MCTP2: variants seen among roughly 807,000 people sequenced by gnomAD.
MCTP2 encodes multiple C2 and transmembrane domain containing 2.
In MCTP2, 132 loss-of-function variants were observed where a neutral mutation model predicts 111.6. The ratio of observed to expected loss-of-function variants is 1.18; its 90% CI spans 1.03 to 1.37. MCTP2 has a LOEUF of 1.37. Ranked by LOEUF, MCTP2 falls within the 40% of genes most tolerant of loss-of-function variation. The pLI, the probability that MCTP2 is intolerant of heterozygous loss-of-function variation, is 0.00. For missense variants in MCTP2, 1,183 were observed against 1,067.9 expected (o/e 1.11, Z -1.50); for synonymous variants, 395 against 387.7 (o/e 1.02, Z -0.22).
At chr15:94,287,103 A>C (rs2074794589) in intron 1 of MCTP2, among the ~76,000 whole-genome samples, 2 of 152,232 alleles carry the variant, frequency 1.3e-5, no homozygotes, top group Admixed American at 6.5e-5. Flanking sequence ...AATTTGTCTC[A>C]GCAGCCTTTC....
intron 17 of MCTP2, among the ~76,000 whole-genome samples, chr15:94,429,375 C>G (rs991288160): frequency 6.6e-6 from 1 of 152,078 alleles, no homozygotes; most frequent in African/African-American, 2.4e-5. Flanking sequence ...TGTAATAAAC[C>G]CTTTCAAAGA....
rs1353287749 is a variant in MCTP2 at position 94,318,401 on chromosome 15, A to AGCCT, written c.637+2765_637+2768dup. Among the ~76,000 whole-genome samples the AGCCT allele has an allele frequency of 9.2e-5, 14 of 151,384 alleles. No homozygotes were observed. In the Admixed American group the frequency reaches 9.3e-4, roughly 10 times the overall value. The stretch of plus-strand genomic sequence containing the variant: ...TGGGTTCAAGCGATTCTCCTGCCTC[A>AGCCT]GCCTCCCAAATAGCTGGGATTACAG... On this transcript the variant is annotated intron_variant, in intron 4 of 22. Coordinates refer to ENST00000357742, the MANE Select transcript of MCTP2 (RefSeq NM_001385001.1).
chr15:94,445,527 G>C (rs922710116), intron 19 of MCTP2, among the ~76,000 whole-genome samples: 1 of 151,984 alleles, frequency 6.6e-6, no homozygotes, highest in Non-Finnish European at 1.5e-5. Context: ...TAAACTAAAG[G>C]GATCTTCAAC....
intron 11 of MCTP2, among the ~76,000 whole-genome samples, chr15:94,369,271 G>A (rs894548152): frequency 2.0e-5 from 3 of 152,096 alleles, no homozygotes; most frequent in Admixed American, 1.3e-4. Context: ...ATAGCCTTTC[G>A]TAAATCCTTG....
At chr15:94,336,832 G>A (rs2077388254) in intron 4 of MCTP2, among the ~76,000 whole-genome samples, 1 of 151,998 alleles carries the variant, frequency 6.6e-6, no homozygotes, top group Admixed American at 6.6e-5. Flanking sequence ...TGCTTAACAT[G>A]TTGATAGTCT....
intron 1 of MCTP2, chr15:94,273,872 A>G (rs2074045098): frequency 4.3e-6 from 1 of 231,520 alleles, no homozygotes; most frequent in Non-Finnish European, 9.8e-6. Context: ...CCTTCACTTG[A>G]GCAAGGTGGC....
intron 12 of MCTP2, among the ~76,000 whole-genome samples, chr15:94,383,606 G>C (rs1462563602): frequency 6.6e-6 from 1 of 152,204 alleles, no homozygotes; most frequent in Non-Finnish European, 1.5e-5. Flanking sequence ...AAGAGAATGA[G>C]AGCCAAGTGA....
intron 17 of MCTP2, among the ~76,000 whole-genome samples, chr15:94,425,018 A>G (rs1247568876): frequency 1.3e-5 from 2 of 152,012 alleles, no homozygotes; most frequent in Non-Finnish European, 2.9e-5. Flanking sequence ...CTTTAATATC[A>G]AAATTACCCA....
chr15:94,251,731 G>A (rs1003826140), intron 1 of MCTP2, among the ~76,000 whole-genome samples: 1 of 152,044 alleles, frequency 6.6e-6, no homozygotes, highest in South Asian at 2.1e-4. Flanking sequence ...ACCTCCATCC[G>A]TCTCCTGAAC....
chr15:94,236,374 TTTC>T (rs1247326932), intron 1 of MCTP2, among the ~76,000 whole-genome samples: 11 of 139,410 alleles, frequency 7.9e-5, no homozygotes, highest in African/African-American at 2.7e-4. Context: ...CTTTCTTTTT[TTTC>T]TTTTTTTTTT....
intron 14 of MCTP2, among the ~76,000 whole-genome samples, chr15:94,388,849 A>G (rs2080684363): frequency 6.6e-6 from 1 of 152,218 alleles, no homozygotes; most frequent in Non-Finnish European, 1.5e-5. Context: ...GTGGTCTCAT[A>G]CTAAAGCCTG....
chr15:94,284,623 TATATA>T (rs2074663456), intron 1 of MCTP2, among the ~76,000 whole-genome samples: 1 of 152,242 alleles, frequency 6.6e-6, no homozygotes, highest in South Asian at 2.1e-4. Flanking sequence ...CCCTAAATAA[TATATA>T]ATAGAATATG....
At chr15:94,284,043 G>A (rs1363247986) in intron 1 of MCTP2, among the ~76,000 whole-genome samples, 1 of 152,146 alleles carries the variant, frequency 6.6e-6, no homozygotes, top group African/African-American at 2.4e-5. Context: ...ACTGCATCAG[G>A]AATATAAATT....
chr15:94,356,313 CT>C lies in MCTP2; in HGVS notation c.1170+16del. On this transcript the variant is annotated intron_variant, in intron 9 of 22. Coordinates refer to ENST00000357742, the MANE Select transcript of MCTP2 (RefSeq NM_001385001.1). ...GGTATAAAAGTAAGGTAAGTTCCAT[CT>C]TTTCCATAAGGAGAACAGTATCTTT... is the stretch of plus-strand genomic sequence containing the variant. 2 of 1,565,356 alleles carry C rather than the reference CT, an allele frequency of 1.3e-6. No individual in the cohort carries two copies. The highest frequency in any genetic ancestry group is 1.9e-5 in the Admixed American group (1 of 52,652).
chr15:94,389,817 C>T (rs552015075), intron 14 of MCTP2, among the ~76,000 whole-genome samples: 13 of 151,956 alleles, frequency 8.6e-5, no homozygotes, highest in African/African-American at 3.1e-4. Flanking sequence ...ACTTGATTTA[C>T]ACTTTTAGAG....
chr15:94,443,981 CAAA>C (rs58768404), intron 19 of MCTP2, among the ~76,000 whole-genome samples: 114 of 69,404 alleles, frequency 1.6e-3, no homozygotes, highest in Admixed American at 2.8e-3. Flanking sequence ...GATATTTTAC[CAAA>C]AAAAAAAAAA....
intron 10 of MCTP2, among the ~76,000 whole-genome samples, chr15:94,365,987 G>A (rs144414132): frequency 6.8e-4 from 103 of 152,208 alleles, no homozygotes; most frequent in African/African-American, 2.4e-3. Context: ...AAAGTATTCC[G>A]AAGTAGAAAT....
chr15:94,365,635 T>C (rs2079144645), intron 10 of MCTP2, among the ~76,000 whole-genome samples: 1 of 152,152 alleles, frequency 6.6e-6, no homozygotes, highest in African/African-American at 2.4e-5. Context: ...AGAATTAATA[T>C]CAGGTTCATT....
At chr15:94,307,078 GTTC>G (rs904023256) in intron 2 of MCTP2, among the ~76,000 whole-genome samples, 7 of 152,192 alleles carry the variant, frequency 4.6e-5, no homozygotes, top group Non-Finnish European at 8.8e-5. Context: ...CAGTCTCGCT[GTTC>G]TTCTTCCTTC....
Sources: gnomAD v4.1 joint callset for allele counts (sites outside exome capture counted in the v4.1 genomes callset) on GRCh38, gnomAD v4.1.1 for gene constraint, MANE v1.5 for transcripts, NCBI Gene and HGNC (gene_info 2026-07-23, HGNC 2026-07-21) for gene names.